The following ZDHHC17 variants were observed in gnomAD, a reference collection of about 807,000 sequenced individuals.
ZDHHC17 encodes the protein palmitoyltransferase ZDHHC17.
A neutral mutation model predicts 90.3 loss-of-function variants in ZDHHC17; 40 were observed. That is an observed-to-expected ratio of 0.44 (90% CI 0.34 to 0.58). ZDHHC17 has a LOEUF of 0.58. Ranked by LOEUF, ZDHHC17 falls within the 20% of genes least tolerant of loss-of-function variation. The pLI is 0.01. For synonymous variants in ZDHHC17, 235 were observed against 252.4 expected, an observed-to-expected ratio of 0.93 and a Z score of 0.65; for missense variants, 614 against 780.8, an observed-to-expected ratio of 0.79 and a Z score of 2.55.
In ZDHHC17 at chr12:76,852,461, G is replaced by A. The variant is rs996337276; in HGVS notation, c.*1476G>A. ...TCATTTTGTCCAACCAAAAAGAAAA[G>A]GGAGATAACTAATGAGCTTCTAGTG... On this transcript the variant is annotated 3_prime_UTR_variant, in exon 17 of 17. Coordinates refer to ENST00000426126, the MANE Select transcript of ZDHHC17 (RefSeq NM_015336.4). 2 of 152,646 alleles carry A rather than the reference G, an allele frequency of 1.3e-5. No individual in the cohort carries two copies. The highest frequency in any genetic ancestry group is 6.5e-5 in the Admixed American group (1 of 15,284). The allele number at this position is 152,646 out of a possible 1,614,324, so 9.5% of individuals were successfully genotyped here.
Position 76,788,688 on chromosome 12 carries a change from A to ATATTTTTTTTTTTTTTTTTTTTTTTT in ZDHHC17, c.94-8745_94-8744insATTTTTTTTTTTTTTTTTTTTTTTTT, listed in dbSNP as rs61663401. Reference sequence around the variant, plus strand: ...AAAATATATTTAAGTTGGAATCGCAATTTTTTTTTTTTTTTTTTTTTTTTT... The same window carrying ATATTTTTTTTTTTTTTTTTTTTTTTT: ...AAAATATATTTAAGTTGGAATCGCAATATTTTTTTTTTTTTTTTTTTTTTTTTTTTTTTTTTTTTTTTTTTTTTTTT... On this transcript the variant is annotated intron_variant, in intron 1 of 16. Coordinates refer to ENST00000426126, the MANE Select transcript of ZDHHC17 (RefSeq NM_015336.4). Among the ~76,000 whole-genome samples the ATATTTTTTTTTTTTTTTTTTTTTTTT allele has an allele frequency of 7.4e-4, 73 of 98,656 alleles. 17 individuals are homozygous for ATATTTTTTTTTTTTTTTTTTTTTTTT. The highest frequency in any genetic ancestry group is 2.2e-3 in the East Asian group (6 of 2,744). 64.7% of individuals were successfully genotyped at this position (98,656 alleles called of 152,430 possible).
intron 1 of ZDHHC17, among the ~76,000 whole-genome samples, chr12:76,793,823 C>T (rs1425801312): frequency 2.0e-5 from 3 of 152,114 alleles, no homozygotes; most frequent in Non-Finnish European, 4.4e-5. Flanking sequence ...TATTGCTTTT[C>T]TTGGTAGAAA....
At chr12:76,821,587 T>C (rs1953163057) in intron 7 of ZDHHC17, among the ~76,000 whole-genome samples, 1 of 152,152 alleles carries the variant, frequency 6.6e-6, no homozygotes, top group Non-Finnish European at 1.5e-5. Flanking sequence ...TTGGTAAGCA[T>C]TTAAAGTTTT....
At chr12:76,817,536 A>G (rs1225026703) in intron 7 of ZDHHC17, among the ~76,000 whole-genome samples, 1 of 152,140 alleles carries the variant, frequency 6.6e-6, no homozygotes, top group Non-Finnish European at 1.5e-5. Flanking sequence ...TTATGACAGT[A>G]AGATGACTAC....
chr12:76,841,595 C>G (rs960322182), intron 10 of ZDHHC17, among the ~76,000 whole-genome samples: 4 of 151,820 alleles, frequency 2.6e-5, no homozygotes, highest in Admixed American at 1.3e-4. Context: ...TTTTGACTTT[C>G]CTATAGTTAA....
chr12:76,842,946 A>C lies in ZDHHC17; in HGVS notation c.1294A>C (p.Ser432Arg), dbSNP rs1347622189. 1 of 1,611,154 alleles carries C rather than the reference A, an allele frequency of 6.2e-7. No homozygotes were observed. Among genetic ancestry groups the C allele is most frequent in the Non-Finnish European group, 8.5e-7 (1 of 1,178,344 alleles). Residue 432 changes from serine (S) to arginine (R), a missense_variant, in exon 12 of 17, where the codon AGT (serine) becomes CGT (arginine). By Grantham distance (110) the Ser-to-Arg change is moderately radical. Transcript: ENST00000426126. The part of the protein sequence containing the change: ...KTIVELAETG[S>R]LDLSIFCSTC... ...AATAGTTGAACTTGCAGAGACAGGAAGTCTGGACCTCAGTATATTCTGCAG... is the reference window on the plus strand; with the variant it reads ...AATAGTTGAACTTGCAGAGACAGGACGTCTGGACCTCAGTATATTCTGCAG...
At position 76,809,672 on chromosome 12, in the gene ZDHHC17, ATAACT is replaced by A. The variant is rs753486254; in HGVS notation, c.399-39_399-35del. ...CTCTTCCCAGAGGATCCTGTTTGAA[ATAACT>A]TTATATATCTAAGTGTTTATTCTTT... is the stretch of plus-strand genomic sequence containing the variant. On this transcript the variant is annotated intron_variant, in intron 4 of 16. Coordinates refer to ENST00000426126, the MANE Select transcript of ZDHHC17 (RefSeq NM_015336.4). 3.0e-6 allele frequency: 4 copies of A among 1,355,842 alleles called. No individual in the cohort carries two copies. The Admixed American group carries it at 1.4e-4, about 48-fold the overall frequency. The allele number at this position is 1,355,842 out of a possible 1,614,324, so 84.0% of individuals were successfully genotyped here.
chr12:76,797,591 T>G (rs1952835711), intron 2 of ZDHHC17, 54 bp downstream of exon 2: 1 of 1,329,570 alleles, frequency 7.5e-7, no homozygotes, highest in Non-Finnish European at 1.0e-6. Context: ...AAGTGAAATA[T>G]GAATCTGAAT....
chr12:76,826,169 A>G (rs1224609886), intron 8 of ZDHHC17, among the ~76,000 whole-genome samples: 1 of 152,166 alleles, frequency 6.6e-6, no homozygotes. Context: ...CAGAGACTTG[A>G]TAACTGGCTA....
chr12:76,777,404 G>A (rs1952571178), intron 1 of ZDHHC17, among the ~76,000 whole-genome samples: 1 of 152,180 alleles, frequency 6.6e-6, no homozygotes, highest in Non-Finnish European at 1.5e-5. Context: ...CCCACAGTAT[G>A]GATGTACCGT....
chr12:76,830,913 G>C (rs1953292351), intron 10 of ZDHHC17, among the ~76,000 whole-genome samples: 1 of 152,066 alleles, frequency 6.6e-6, no homozygotes. Flanking sequence ...GCTAAAGCTA[G>C]GGAAATAGTA....
At chr12:76,773,058 A>AAT in intron 1 of ZDHHC17, among the ~76,000 whole-genome samples, 1 of 151,972 alleles carries the variant, frequency 6.6e-6, no homozygotes, top group Non-Finnish European at 1.5e-5. Flanking sequence ...GGATTTCACC[A>AAT]TGTTGGCCAG....
At chr12:76,827,391 AG>A (rs529568146) in intron 9 of ZDHHC17, among the ~76,000 whole-genome samples, 84 of 152,294 alleles carry the variant, frequency 5.5e-4, no homozygotes, top group African/African-American at 1.7e-3. Context: ...GCCTTTCTAT[AG>A]GAATTATATT....
Position 76,814,102 on chromosome 12 carries a change from A to G in ZDHHC17, c.544-1044A>G, listed in dbSNP as rs151257330. Among the ~76,000 whole-genome samples the G allele has an allele frequency of 4.8e-3, 731 of 152,164 alleles. 5 individuals are homozygous for G. Among genetic ancestry groups the G allele is most frequent in the African/African-American group, 0.016 (659 of 41,566 alleles). ...GGTTAATGAGACACACATTTCAGGCATAGAGGATAATCAGTTCAGAATGGA... is the reference window on the plus strand; with the variant it reads ...GGTTAATGAGACACACATTTCAGGCGTAGAGGATAATCAGTTCAGAATGGA... On this transcript the variant is annotated intron_variant, in intron 5 of 16. Coordinates refer to ENST00000426126, the MANE Select transcript of ZDHHC17 (RefSeq NM_015336.4).
At chr12:76,849,350 A>G in intron 15 of ZDHHC17, 26 bp from the exon 16 acceptor site, 1 of 1,236,536 alleles carries the variant, frequency 8.1e-7, no homozygotes, top group Non-Finnish European at 1.1e-6. Flanking sequence ...AACAAGAATA[A>G]TGGTTTGCTT....
At position 76,842,836 on chromosome 12, in the gene ZDHHC17, A is replaced by G. The variant is rs141105656; in HGVS notation, c.1267-83A>G. ...CATCAGTAAATTAAAGATGAAAATC[A>G]TGTTTATTGATTCATAGTGGTGGCA... On this transcript the variant is annotated intron_variant, in intron 11 of 16. Transcript: ENST00000426126. 1,682 of 959,922 alleles carry G rather than the reference A, an allele frequency of 1.8e-3. 23 individuals carry two copies. The African/African-American group carries it at 0.022, about 13-fold the overall frequency. 59.5% of individuals were successfully genotyped at this position (959,922 alleles called of 1,614,324 possible).
At chr12:76,849,610 A>G (rs1426165439) in intron 16 of ZDHHC17, 140 bp downstream of exon 16, 1 of 554,118 alleles carries the variant, frequency 1.8e-6, no homozygotes, top group Admixed American at 3.8e-5. Flanking sequence ...GTTCACCATA[A>G]TAACAACAAA....
chr12:76,808,662 C>T (rs190045144), intron 3 of ZDHHC17, among the ~76,000 whole-genome samples: 11 of 152,240 alleles, frequency 7.2e-5, no homozygotes, highest in Admixed American at 5.2e-4. Context: ...GAAAGTAAGG[C>T]TTAAAAAGCT....
chr12:76,820,716 A>G (rs1953153950), intron 7 of ZDHHC17, among the ~76,000 whole-genome samples: 2 of 152,172 alleles, frequency 1.3e-5, no homozygotes, highest in South Asian at 4.1e-4. Context: ...TGACGATGAA[A>G]TTCAACCTTA....
Sources: gnomAD v4.1 joint callset for allele counts (sites outside exome capture counted in the v4.1 genomes callset) on GRCh38, gnomAD v4.1.1 for gene constraint, MANE v1.5 for transcripts, NCBI Gene and HGNC (gene_info 2026-07-23, HGNC 2026-07-21) for gene names.